Variants in SLC25A16 observed in about 807,000 individuals in gnomAD.
The protein encoded by SLC25A16 is solute carrier family 25 member 16, also known as mitochondrial coenzyme A transporter SLC25A16.
A neutral mutation model predicts 41.5 loss-of-function variants in SLC25A16; 39 were observed. The ratio of observed to expected loss-of-function variants is 0.94; its 90% CI spans 0.73 to 1.23. The LOEUF is 1.23. Among genes scored for constraint, SLC25A16 ranks in the 50% most tolerant of loss-of-function variants. The pLI is 0.00. For missense variants in SLC25A16, 421 were observed against 426.9 expected, an observed-to-expected ratio of 0.99 and a Z score of 0.12; for synonymous variants, 146 against 147.8, an observed-to-expected ratio of 0.99 and a Z score of 0.09.
intron 1 of SLC25A16, chr10:68,517,319 A>G (rs899347607): frequency 2.3e-6 from 2 of 859,088 alleles, no homozygotes; most frequent in Non-Finnish European, 2.8e-6. Flanking sequence ...TTAGTCATCC[A>G]TTTATACATT....
intron 4 of SLC25A16, among the ~76,000 whole-genome samples, chr10:68,500,970 G>A (rs1027086264): frequency 6.6e-6 from 1 of 150,848 alleles, no homozygotes; most frequent in East Asian, 2.0e-4. Context: ...GTGATATACA[G>A]GATGCGTGCG....
intron 4 of SLC25A16, among the ~76,000 whole-genome samples, chr10:68,495,890 T>C (rs1367451006): frequency 6.6e-6 from 1 of 151,938 alleles, no homozygotes; most frequent in Non-Finnish European, 1.5e-5. Flanking sequence ...TCAAGTTACT[T>C]AACCTGGGTT....
At chr10:68,503,747 T>C (rs1041442933) in intron 3 of SLC25A16, 52 bp from the exon 4 acceptor site, 10 of 1,064,906 alleles carry the variant, frequency 9.4e-6, no homozygotes, top group African/African-American at 1.6e-5. Context: ...ATGCTGCCCA[T>C]TTCACTGTTT....
intron 1 of SLC25A16, chr10:68,517,294 CT>C: frequency 1.0e-6 from 1 of 976,364 alleles, no homozygotes; most frequent in Non-Finnish European, 1.2e-6. Context: ...AAACAACCAA[CT>C]TTTACCCATA....
At chr10:68,513,326 T>C (rs1364807107) in intron 2 of SLC25A16, among the ~76,000 whole-genome samples, 1 of 149,686 alleles carries the variant, frequency 6.7e-6, no homozygotes, top group African/African-American at 2.5e-5. Flanking sequence ...GGAGAACTGC[T>C]TGAACCCAGA....
intron 5 of SLC25A16, 22 bp downstream of exon 5, chr10:68,493,427 G>A (rs191519835): frequency 6.2e-7 from 1 of 1,600,586 alleles, no homozygotes; most frequent in Admixed American, 1.7e-5. Context: ...TGTTATAGAT[G>A]AGGAAGGTAA....
At chr10:68,489,866 A>T (rs959668155) in intron 6 of SLC25A16, among the ~76,000 whole-genome samples, 2 of 148,120 alleles carry the variant, frequency 1.4e-5, no homozygotes, top group Admixed American at 1.4e-4. Flanking sequence ...GCAACACTGC[A>T]CTCTAGCCTG....
intron 6 of SLC25A16, among the ~76,000 whole-genome samples, chr10:68,491,581 C>A (rs1361880466): frequency 1.3e-5 from 2 of 152,024 alleles, no homozygotes; most frequent in Non-Finnish European, 2.9e-5. Context: ...CTCTGTCACC[C>A]AGGAGGGTGT....
intron 1 of SLC25A16, chr10:68,517,148 C>T: frequency 9.6e-7 from 1 of 1,041,872 alleles, no homozygotes; most frequent in Non-Finnish European, 1.2e-6. Context: ...GGTATTAATC[C>T]AACTGCCAGG....
chr10:68,503,286 T>C (rs1352943599), intron 4 of SLC25A16: 1 of 173,428 alleles, frequency 5.8e-6, no homozygotes, highest in Non-Finnish European at 1.2e-5. Context: ...TTTTTAAACA[T>C]TTCCAAAAGT....
Position 68,503,661 on chromosome 10 carries a change from A to C in SLC25A16, c.392T>G (p.Val131Gly). The C allele has an allele frequency of 6.2e-7, 1 of 1,607,342 alleles. No homozygotes were observed. The highest frequency in any genetic ancestry group is 8.5e-7 in the Non-Finnish European group (1 of 1,174,930). Reference protein sequence around the residue: ...ITTKLGISGHVHRLMAGSMAG... With the variant: ...ITTKLGISGHGHRLMAGSMAG... Reference sequence around the variant, plus strand: ...CATGGATCCAGCCATTAATCTGTGCACATGACCTGAAATTCCCAGCTTCGT... The same window carrying C: ...CATGGATCCAGCCATTAATCTGTGCCCATGACCTGAAATTCCCAGCTTCGT... Residue 131 changes from valine to glycine, a missense_variant, in exon 4 of 9, where the codon GTG becomes GGG. Physicochemically the swap from Val to Gly is moderately radical, Grantham distance 109. Coordinates refer to ENST00000609923, the MANE Select transcript of SLC25A16 (RefSeq NM_152707.4).
chr10:68,495,476 A>G (rs1399018542), intron 4 of SLC25A16, among the ~76,000 whole-genome samples: 1 of 151,980 alleles, frequency 6.6e-6, no homozygotes, highest in Non-Finnish European at 1.5e-5. Flanking sequence ...CAAAATGGTC[A>G]AAAGTTAAAA....
intron 1 of SLC25A16, among the ~76,000 whole-genome samples, chr10:68,524,766 T>A (rs2053308849): frequency 6.7e-6 from 1 of 149,728 alleles, no homozygotes. Flanking sequence ...TAATCCCAGC[T>A]ACTTGGGAGG....
At chr10:68,485,241 C>T (rs866363856) in intron 8 of SLC25A16, among the ~76,000 whole-genome samples, 32 of 152,078 alleles carry the variant, frequency 2.1e-4, no homozygotes, top group African/African-American at 5.3e-4. Context: ...AGGCGCACAC[C>T]GCCACACCCA....
At chr10:68,488,252 G>A (rs2052597420) in intron 7 of SLC25A16, among the ~76,000 whole-genome samples, 1 of 151,814 alleles carries the variant, frequency 6.6e-6, no homozygotes, top group African/African-American at 2.4e-5. Flanking sequence ...CAAGTAGCTG[G>A]GACAATAGGC....
intron 8 of SLC25A16, 101 bp downstream of exon 8, chr10:68,487,043 C>T (rs999688938): frequency 2.2e-5 from 14 of 642,888 alleles, no homozygotes; most frequent in Non-Finnish European, 3.1e-5. Context: ...GGAGATAAAA[C>T]GGAAGATACA....
intron 1 of SLC25A16, among the ~76,000 whole-genome samples, chr10:68,519,368 T>C (rs979896102): frequency 6.6e-6 from 1 of 150,510 alleles, no homozygotes; most frequent in Non-Finnish European, 1.5e-5. Context: ...ACACCTGTAA[T>C]CCCAGCTACT....
At chr10:68,517,382 G>T in intron 1 of SLC25A16, 1 of 343,768 alleles carries the variant, frequency 2.9e-6, no homozygotes, top group Non-Finnish European at 4.1e-6. Context: ...AAGTATAGAT[G>T]AAAGTAGAAT....
intron 6 of SLC25A16, among the ~76,000 whole-genome samples, chr10:68,491,005 T>C (rs985234900): frequency 2.6e-5 from 4 of 151,966 alleles, no homozygotes; most frequent in African/African-American, 9.7e-5. Flanking sequence ...TCCTCTTAAC[T>C]CAGCTTCTCA....
Sources: allele counts gnomAD v4.1 joint callset (sites outside exome capture counted in the v4.1 genomes callset), GRCh38; gene constraint gnomAD v4.1.1; transcripts MANE v1.5; gene names NCBI Gene and HGNC (gene_info 2026-07-23, HGNC 2026-07-21).